Variants in PRKG1 observed in about 807,000 individuals in gnomAD.
PRKG1 encodes the protein protein kinase cGMP-dependent 1, also known as cGMP-dependent protein kinase 1.
Under a neutral mutation model 88.1 loss-of-function variants are expected in PRKG1, and 35 were observed. The ratio of observed to expected loss-of-function variants is 0.40; its 90% CI spans 0.30 to 0.53. The LOEUF is 0.53. Ranked by LOEUF, PRKG1 falls within the 20% of genes least tolerant of loss-of-function variation. PRKG1 has a pLI of 0.59. For synonymous variants in PRKG1, 303 were observed against 292.5 expected (o/e 1.04, Z -0.37); for missense variants, 540 against 839.8 (o/e 0.64, Z 4.41).
At chr10:51,857,173 G>C (rs1840704957) in intron 4 of PRKG1, among the ~76,000 whole-genome samples, 1 of 151,976 alleles carries the variant, frequency 6.6e-6, no homozygotes, top group African/African-American at 2.4e-5. Context: ...AAGTTGATTT[G>C]TTTCTTTACA....
intron 4 of PRKG1, among the ~76,000 whole-genome samples, chr10:51,900,960 A>C (rs1283024539): frequency 1.3e-5 from 2 of 152,116 alleles, no homozygotes; most frequent in African/African-American, 4.8e-5. Context: ...AAAATTAATA[A>C]CTTTTACTAT....
intron 2 of PRKG1, among the ~76,000 whole-genome samples, chr10:51,452,789 G>A (rs1588972275): frequency 6.6e-6 from 1 of 151,838 alleles, no homozygotes; most frequent in East Asian, 1.9e-4. Context: ...TTGGTATTAG[G>A]GTGATATTGG....
chr10:51,996,823 T>C (rs555442168), intron 5 of PRKG1, among the ~76,000 whole-genome samples: 1 of 152,300 alleles, frequency 6.6e-6, no homozygotes, highest in South Asian at 2.1e-4. Context: ...TTCAAGGAGA[T>C]ATCTGCACTC....
chr10:51,490,211 T>C (rs893748865), intron 3 of PRKG1, among the ~76,000 whole-genome samples: 1 of 152,158 alleles, frequency 6.6e-6, no homozygotes, highest in Non-Finnish European at 1.5e-5. Context: ...TTCTTTATGG[T>C]GTAAGCAATA....
intron 12 of PRKG1, among the ~76,000 whole-genome samples, chr10:52,276,374 T>G (rs1410520428): frequency 2.0e-5 from 3 of 152,166 alleles, no homozygotes; most frequent in Non-Finnish European, 4.4e-5. Flanking sequence ...TACTTCAGGT[T>G]CATACACTCA....
chr10:51,452,712 G>T (rs1014607147), intron 2 of PRKG1, among the ~76,000 whole-genome samples: 7 of 151,810 alleles, frequency 4.6e-5, no homozygotes, highest in African/African-American at 1.4e-4. Flanking sequence ...GTAGAAAATT[G>T]TTGCATCTGT....
At position 51,764,601 on chromosome 10, in the gene PRKG1, G is replaced by A. The variant is rs147958100; in HGVS notation, c.593-39984G>A. On this transcript the variant is annotated intron_variant, in intron 3 of 17. Coordinates refer to ENST00000373980, the MANE Select transcript of PRKG1 (RefSeq NM_006258.4). Reference sequence around the variant, plus strand: ...TTCCCTGGATCTAAATTTCCCTGGCGACACTAATGTGACCGTGTGTGCTTT... The same window carrying A: ...TTCCCTGGATCTAAATTTCCCTGGCAACACTAATGTGACCGTGTGTGCTTT... 2.5e-3 allele frequency among the ~76,000 whole-genome samples: 386 copies of A among 152,182 alleles called. 1 individual carries two copies. The highest frequency in any genetic ancestry group is 4.8e-3 in the African/African-American group (200 of 41,530).
chr10:51,560,109 C>T (rs968370365), intron 3 of PRKG1, among the ~76,000 whole-genome samples: 1 of 152,052 alleles, frequency 6.6e-6, no homozygotes. Flanking sequence ...CCAGAGCCTT[C>T]CATATTATGT....
At chr10:51,794,516 G>C (rs893780905) in intron 3 of PRKG1, among the ~76,000 whole-genome samples, 2 of 151,732 alleles carry the variant, frequency 1.3e-5, no homozygotes, top group Admixed American at 1.3e-4. Context: ...GACCACCATG[G>C]GATAAAAGTA....
At chr10:52,242,158 A>G (rs1043750935) in intron 9 of PRKG1, 1 of 152,172 alleles carries the variant, frequency 6.6e-6, no homozygotes, top group Non-Finnish European at 1.5e-5. Flanking sequence ...AGTCATTTTC[A>G]TCTATCTTCT....
intron 1 of PRKG1, among the ~76,000 whole-genome samples, chr10:51,055,748 T>A (rs1843619319): frequency 6.7e-6 from 1 of 150,146 alleles, no homozygotes; most frequent in African/African-American, 2.5e-5. Context: ...AAAAAAAAAA[T>A]TTCTTTGGAT....
At chr10:51,611,968 G>A (rs1415585579) in intron 3 of PRKG1, among the ~76,000 whole-genome samples, 1 of 151,806 alleles carries the variant, frequency 6.6e-6, no homozygotes, top group South Asian at 2.1e-4. Context: ...TTTATTTCTT[G>A]GTTTTCTACT....
At chr10:52,271,602 T>C in intron 11 of PRKG1, 113 bp downstream of exon 11, 2 of 1,091,538 alleles carry the variant, frequency 1.8e-6, no homozygotes, top group Admixed American at 5.9e-5. Flanking sequence ...CAAAGAAACT[T>C]CTTTTTAATC....
At chr10:51,325,096 G>A (rs1373696818) in intron 2 of PRKG1, among the ~76,000 whole-genome samples, 1 of 152,090 alleles carries the variant, frequency 6.6e-6, no homozygotes, top group Non-Finnish European at 1.5e-5. Flanking sequence ...ATATCTGTTT[G>A]TGGTTTTAAT....
chr10:52,130,217 C>T (rs112515006), intron 7 of PRKG1, among the ~76,000 whole-genome samples: 44 of 152,256 alleles, frequency 2.9e-4, no homozygotes, highest in African/African-American at 9.1e-4. Flanking sequence ...CTAGGTACTA[C>T]ACCTGGCTTT....
intron 2 of PRKG1, among the ~76,000 whole-genome samples, chr10:51,399,643 T>C (rs999547987): frequency 3.3e-5 from 5 of 152,292 alleles, no homozygotes; most frequent in Admixed American, 2.0e-4. Flanking sequence ...ACTGTTTTTC[T>C]TAGTAGGTAG....
chr10:52,238,535 G>T (rs1324599051), intron 9 of PRKG1, among the ~76,000 whole-genome samples: 2 of 151,746 alleles, frequency 1.3e-5, no homozygotes, highest in Non-Finnish European at 2.9e-5. Context: ...CTTCTCAAAA[G>T]AAGACATTTA....
At chr10:51,720,519 C>G (rs556324360) in intron 3 of PRKG1, among the ~76,000 whole-genome samples, 3 of 152,140 alleles carry the variant, frequency 2.0e-5, no homozygotes, top group African/African-American at 7.2e-5. Context: ...ATTCCTATGA[C>G]GAGAGTGCTT....
At chr10:51,170,535 G>A (rs1416866492) in intron 2 of PRKG1, among the ~76,000 whole-genome samples, 1 of 151,834 alleles carries the variant, frequency 6.6e-6, no homozygotes, top group African/African-American at 2.4e-5. Context: ...CATGTGGGAT[G>A]GGGAAGGAAT....
Sources: allele counts gnomAD v4.1 joint callset (sites outside exome capture counted in the v4.1 genomes callset), GRCh38; gene constraint gnomAD v4.1.1; transcripts MANE v1.5; gene names NCBI Gene and HGNC (gene_info 2026-07-23, HGNC 2026-07-21).